NIBAN1: variants seen among roughly 807,000 people sequenced by gnomAD.
NIBAN1 encodes the protein protein Niban 1.
NIBAN1 carries 81 observed loss-of-function variants against 75.1 expected under a neutral mutation model. The ratio of observed to expected loss-of-function variants is 1.08; its 90% CI spans 0.90 to 1.30. The LOEUF is 1.30. Ranked by LOEUF, NIBAN1 falls within the 50% of genes most tolerant of loss-of-function variation. NIBAN1 has a pLI of 0.00. For missense variants in NIBAN1, 1,133 were observed against 1,128.1 expected (o/e 1.00, Z -0.06); for synonymous variants, 436 against 424.8 (o/e 1.03, Z -0.32).
At chr1:184,864,190 T>G (rs1158123292) in intron 5 of NIBAN1, among the ~76,000 whole-genome samples, 6 of 152,200 alleles carry the variant, frequency 3.9e-5, no homozygotes, top group Non-Finnish European at 8.8e-5. Context: ...AAATCTTGGT[T>G]TCCTACGGAC....
intron 1 of NIBAN1, among the ~76,000 whole-genome samples, chr1:184,965,306 A>G (rs948141769): frequency 6.6e-6 from 1 of 152,094 alleles, no homozygotes; most frequent in Non-Finnish European, 1.5e-5. Flanking sequence ...CTCAAAAAAA[A>G]AAAAGAGAAG....
rs778170447 is a variant in NIBAN1 at position 184,795,236 on chromosome 1, C to T, written c.2528G>A (p.Gly843Asp). ...GATGGGGTCAGAACCTAAGGTGCAG[C>T]CCTCTTGCTGTGAGGCATCCCCTTC... ...TEEGDASQQEGCTLGSDPICL... is the reference protein window; with the variant it reads ...TEEGDASQQEDCTLGSDPICL... Residue 843 changes from glycine to aspartate, a missense_variant, in exon 14 of 14, where the codon GGC becomes GAC. Coordinates refer to ENST00000367511, the MANE Select transcript of NIBAN1 (RefSeq NM_052966.4). 2 of 1,613,832 alleles carry T rather than the reference C, an allele frequency of 1.2e-6. No homozygotes were observed. Among genetic ancestry groups the T allele is most frequent in the Non-Finnish European group, 1.7e-6 (2 of 1,180,046 alleles).
intron 4 of NIBAN1, among the ~76,000 whole-genome samples, chr1:184,888,768 T>A (rs1431749823): frequency 6.6e-6 from 1 of 152,220 alleles, no homozygotes; most frequent in East Asian, 1.9e-4. Context: ...TTAGAGAGAT[T>A]TGGATGAGTC....
intron 1 of NIBAN1, among the ~76,000 whole-genome samples, chr1:184,965,269 A>T (rs1658752905): frequency 6.6e-6 from 1 of 151,982 alleles, no homozygotes; most frequent in Admixed American, 6.6e-5. Context: ...ACTGCACTCC[A>T]GCCTGGGCAA....
intron 9 of NIBAN1, among the ~76,000 whole-genome samples, chr1:184,815,242 AG>A (rs1362224587): frequency 6.6e-6 from 1 of 152,216 alleles, no homozygotes; most frequent in Non-Finnish European, 1.5e-5. Context: ...TATTTTCCCC[AG>A]GTAAAGAAAG....
chr1:184,884,853 C>A, intron 4 of NIBAN1, 53 bp from the exon 5 acceptor site: 2 of 1,585,658 alleles, frequency 1.3e-6, no homozygotes, highest in South Asian at 2.3e-5. Context: ...TCTTTTATTT[C>A]AAATGTGTGT....
chr1:184,866,993 G>A (rs578241656), intron 5 of NIBAN1, among the ~76,000 whole-genome samples: 1 of 152,196 alleles, frequency 6.6e-6, no homozygotes, highest in Non-Finnish European at 1.5e-5. Flanking sequence ...GAGCACAGAT[G>A]TGCAAAAACC....
intron 1 of NIBAN1, among the ~76,000 whole-genome samples, chr1:184,963,017 A>T (rs1224225174): frequency 1.3e-5 from 2 of 151,930 alleles, no homozygotes; most frequent in African/African-American, 4.8e-5. Context: ...CCCCCAATAA[A>T]TTTTTTTTCA....
intron 1 of NIBAN1, among the ~76,000 whole-genome samples, chr1:184,917,846 A>G (rs76834533): frequency 0.031 from 4,764 of 152,172 alleles, 215 homozygotes; most frequent in African/African-American, 0.11. Flanking sequence ...CTCTCAGGCA[A>G]CTGCCCTCTT....
In NIBAN1 at chr1:184,909,425, C is replaced by T. The variant is rs545332257; in HGVS notation, c.56-10116G>A. Among the ~76,000 whole-genome samples, 21 of 151,974 alleles carry T rather than the reference C, an allele frequency of 1.4e-4. No homozygotes were observed. In the East Asian group the frequency reaches 2.3e-3, roughly 17 times the overall value. On this transcript the variant is annotated intron_variant, in intron 1 of 13. Coordinates refer to ENST00000367511, the MANE Select transcript of NIBAN1 (RefSeq NM_052966.4). ...AATCTATGCCATTAATGTAAAAAAACGCATTTCTAGATAACTGTGTTTGGG... is the reference window on the plus strand; with the variant it reads ...AATCTATGCCATTAATGTAAAAAAATGCATTTCTAGATAACTGTGTTTGGG...
chr1:184,949,074 G>A (rs540309252), intron 1 of NIBAN1, among the ~76,000 whole-genome samples: 35 of 152,250 alleles, frequency 2.3e-4, no homozygotes, highest in Admixed American at 1.2e-3. Flanking sequence ...TTTGGTGAGA[G>A]ATTTTCTTTT....
In NIBAN1 at chr1:184,795,351, C is replaced by T. The variant is rs764801179; in HGVS notation, c.2413G>A (p.Glu805Lys). The T allele has an allele frequency of 1.1e-5, 18 of 1,609,150 alleles. No homozygotes were observed. The highest frequency in any genetic ancestry group is 4.0e-5 in the African/African-American group (3 of 74,756). The change falls in exon 14 of 14, where the codon GAG (glutamate) becomes AAG (lysine). Residue 805 changes from glutamate (E) to lysine (K), a missense_variant. Glu to Lys is a moderately conservative substitution (Grantham distance 56). Coordinates refer to ENST00000367511, the MANE Select transcript of NIBAN1 (RefSeq NM_052966.4). Reference protein sequence around the residue: ...ASPPASGGLTEEPLGPMEGEL... With the variant: ...ASPPASGGLTKEPLGPMEGEL... The stretch of plus-strand genomic sequence containing the variant: ...CCCTCCATGGGCCCCAGGGGCTCCT[C>T]GGTGAGCCCTCCACTGGCTGGCGGA...
intron 3 of NIBAN1, among the ~76,000 whole-genome samples, chr1:184,893,295 T>C (rs1656719145): frequency 6.6e-6 from 1 of 152,140 alleles, no homozygotes. Context: ...ACAGGTTCAT[T>C]TCTAGTTAAT....
intron 1 of NIBAN1, among the ~76,000 whole-genome samples, chr1:184,910,985 T>C (rs1657226046): frequency 6.6e-6 from 1 of 152,178 alleles, no homozygotes; most frequent in Non-Finnish European, 1.5e-5. Context: ...TCAGCTTTCC[T>C]GGGCCTCCAG....
intron 1 of NIBAN1, among the ~76,000 whole-genome samples, chr1:184,913,995 T>C (rs1398454043): frequency 6.6e-6 from 1 of 152,164 alleles, no homozygotes; most frequent in Non-Finnish European, 1.5e-5. Flanking sequence ...GCCCATTCTG[T>C]TTCAGTCCTA....
intron 5 of NIBAN1, among the ~76,000 whole-genome samples, chr1:184,836,278 T>A (rs573398153): frequency 6.6e-6 from 1 of 152,338 alleles, no homozygotes; most frequent in South Asian, 2.1e-4. Flanking sequence ...TTTTAACAGC[T>A]GTTTTCATTT....
At chr1:184,962,877 T>TG (rs1557932995) in intron 1 of NIBAN1, among the ~76,000 whole-genome samples, 1 of 152,144 alleles carries the variant, frequency 6.6e-6, no homozygotes, top group African/African-American at 2.4e-5. Context: ...GAAAAAATAA[T>TG]GTTTTTTTCC....
chr1:184,955,343 T>TTTCCTTTCCTTTCCTTTCCA (rs1658459417), intron 1 of NIBAN1, among the ~76,000 whole-genome samples: 1 of 149,354 alleles, frequency 6.7e-6, no homozygotes, highest in Non-Finnish European at 1.5e-5. Context: ...TTTCCTTTCC[T>TTTCCTTTCCTTTCCTTTCCA]TTCCTTTCCT....
At chr1:184,838,677 A>AT (rs139960962) in intron 5 of NIBAN1, among the ~76,000 whole-genome samples, 12,450 of 152,050 alleles carry the variant, frequency 0.082, 1,712 homozygotes, top group African/African-American at 0.28. Context: ...AGCTGCTTTT[A>AT]TTTTTTTCCA....
Sources: allele counts gnomAD v4.1 joint callset (sites outside exome capture counted in the v4.1 genomes callset), GRCh38; gene constraint gnomAD v4.1.1; transcripts MANE v1.5; gene names NCBI Gene and HGNC (gene_info 2026-07-23, HGNC 2026-07-21).